Variants in HM13 observed in about 807,000 individuals in gnomAD.
HM13 encodes signal peptide peptidase.
A neutral mutation model predicts 50.0 loss-of-function variants in HM13; 18 were observed. That is an observed-to-expected ratio of 0.36 (90% confidence interval 0.25 to 0.53). The LOEUF (loss-of-function observed/expected upper bound fraction) is 0.53. HM13 is among the 20% of genes least tolerant of loss of function. The pLI is 0.90. For missense variants in HM13, 393 were observed against 552.4 expected (o/e 0.71, Z 2.89); for synonymous variants, 197 against 232.6 (o/e 0.85, Z 1.39).
intron 2 of HM13, chr20:31,527,790 G>A: frequency 1.9e-6 from 1 of 522,506 alleles, no homozygotes; most frequent in Non-Finnish European, 3.4e-6. Context: ...TTTTCTCCAT[G>A]TAGCTTTTTG....
rs765216428 is a variant in HM13 at position 31,561,661 on chromosome 20, C to T, written c.873C>T (p.Phe291=). The change falls in exon 10 of 13, where the codon TTC becomes TTT. Residue 291 remains phenylalanine (F), a synonymous_variant. Transcript: ENST00000398174. The part of the protein sequence containing the change: ...ISLKKNTHTY[F]YTSFAAYIFG... Reference sequence around the variant, plus strand: ...TGAAGAAGAATACCCACACCTACTTCTACACCAGCTTTGCAGCCTACATCT... The same window carrying T: ...TGAAGAAGAATACCCACACCTACTTTTACACCAGCTTTGCAGCCTACATCT... The T allele has an allele frequency of 6.2e-7, 1 of 1,613,684 alleles. No homozygotes were observed. Among genetic ancestry groups the T allele is most frequent in the South Asian group, 1.1e-5 (1 of 91,088 alleles).
At position 31,569,436 on chromosome 20, in the gene HM13, C is replaced by G. The variant is rs1985139311; in HGVS notation, c.*217C>G. 1 of 413,078 alleles carries G rather than the reference C, an allele frequency of 2.4e-6. No homozygotes were observed. Among genetic ancestry groups the G allele is most frequent in the Admixed American group, 4.0e-5 (1 of 25,228 alleles). 25.6% of individuals were successfully genotyped at this position (413,078 alleles called of 1,614,324 possible). ...CCCACACCCTGCAGGCAAAAGAAAC[C>G]CCCAGCTTCCCCCCTCCCCGGGAGC... On this transcript the variant is annotated 3_prime_UTR_variant, in exon 13 of 13. Transcript: ENST00000398174.
chr20:31,540,646 A>G (rs1008068969), intron 3 of HM13: 15 of 152,198 alleles, frequency 9.9e-5, no homozygotes, highest in Non-Finnish European at 1.8e-4. Context: ...TTTTAGAATA[A>G]TAACTAAGGG....
chr20:31,516,407 G>C (rs1981781889), intron 1 of HM13, among the ~76,000 whole-genome samples: 1 of 152,198 alleles, frequency 6.6e-6, no homozygotes, highest in Admixed American at 6.6e-5. Context: ...GAGTAGGTCA[G>C]AGCCCTGTCA....
intron 2 of HM13, among the ~76,000 whole-genome samples, chr20:31,532,254 G>C (rs1050832381): frequency 6.6e-6 from 1 of 152,000 alleles, no homozygotes; most frequent in South Asian, 2.1e-4. Context: ...GTGAAACCCC[G>C]TCTCTACTGA....
rs541450050 is a variant in HM13 at position 31,534,300 on chromosome 20, CAG to C, written c.283-3878_283-3877del. Among the ~76,000 whole-genome samples the C allele has an allele frequency of 1.6e-3, 245 of 152,204 alleles. 2 individuals are homozygous for C. In the South Asian group the frequency reaches 0.018, roughly 11 times the overall value. On this transcript the variant is annotated intron_variant, in intron 2 of 12. Transcript: ENST00000398174. Reference sequence around the variant, plus strand: ...TAGAGAAGGAGGCATGCATGCCACACAGGGGGCCATATGGGAGGAGCTCCAAG... The same window carrying C: ...TAGAGAAGGAGGCATGCATGCCACACGGGGCCATATGGGAGGAGCTCCAAG...
chr20:31,545,345 GCA>G (rs2122610984), intron 4 of HM13, among the ~76,000 whole-genome samples: 1 of 149,052 alleles, frequency 6.7e-6, no homozygotes, highest in East Asian at 1.9e-4. Context: ...AAAGCATTCA[GCA>G]TGGTGCCTGG....
intron 2 of HM13, 46 bp from the exon 3 acceptor site, chr20:31,538,133 C>T (rs933007376): frequency 1.2e-6 from 2 of 1,606,056 alleles, no homozygotes; most frequent in South Asian, 1.1e-5. Context: ...TCCTCACAGC[C>T]ACTGGCAACC....
At chr20:31,566,678 C>A (rs758149399) in intron 11 of HM13, among the ~76,000 whole-genome samples, 3 of 152,104 alleles carry the variant, frequency 2.0e-5, no homozygotes, top group Non-Finnish European at 4.4e-5. Context: ...AGTAATAGAA[C>A]AGGGGGCGTG....
chr20:31,524,179 G>A (rs1301032117), intron 1 of HM13, among the ~76,000 whole-genome samples: 1 of 151,960 alleles, frequency 6.6e-6, no homozygotes, highest in Non-Finnish European at 1.5e-5. Context: ...GTTCAAGGCT[G>A]CAGTGAGCTA....
At chr20:31,538,697 G>C (rs1983262964) in intron 3 of HM13, 1 of 1,038,952 alleles carries the variant, frequency 9.6e-7, no homozygotes, top group South Asian at 4.6e-5. Context: ...TCTGGCATTT[G>C]ACTACCTTAC....
At position 31,556,880 on chromosome 20, in the gene HM13, G is replaced by A. The variant is rs1051708306; in HGVS notation, c.808+2051G>A. On this transcript the variant is annotated intron_variant, in intron 8 of 12. Coordinates refer to ENST00000398174, the MANE Select transcript of HM13 (RefSeq NM_178581.3). ...CTAAAAATACAAAAATTAGCCAGGCGTAGTGGCGGGCGCGTGTAGTCCCAG... is the reference window on the plus strand; with the variant it reads ...CTAAAAATACAAAAATTAGCCAGGCATAGTGGCGGGCGCGTGTAGTCCCAG... Among the ~76,000 whole-genome samples, 15 of 152,050 alleles carry A rather than the reference G, an allele frequency of 9.9e-5. No individual in the cohort carries two copies. In the East Asian group the frequency reaches 1.2e-3, roughly 12 times the overall value.
chr20:31,520,364 T>C (rs1415758168), intron 1 of HM13, among the ~76,000 whole-genome samples: 2 of 152,150 alleles, frequency 1.3e-5, no homozygotes, highest in Non-Finnish European at 2.9e-5. Flanking sequence ...AGTGCAGTGG[T>C]GTGATCTTGG....
intron 7 of HM13, among the ~76,000 whole-genome samples, chr20:31,553,893 A>C (rs763362739): frequency 1.3e-5 from 2 of 152,144 alleles, no homozygotes; most frequent in Non-Finnish European, 2.9e-5. Context: ...TACCCCTGTT[A>C]TAGTGAGATG....
At chr20:31,538,999 G>A in intron 3 of HM13, 1 of 866,030 alleles carries the variant, frequency 1.2e-6, no homozygotes, top group Non-Finnish European at 1.4e-6. Context: ...AAATTTGCTA[G>A]GATCACACCA....
At chr20:31,550,031 TC>T (rs1983947221) in intron 6 of HM13, 32 bp from the exon 7 acceptor site, 3 of 1,554,786 alleles carry the variant, frequency 1.9e-6, no homozygotes, top group Admixed American at 1.7e-5. Context: ...GCCCCTCACT[TC>T]CCTTCATACT....
intron 11 of HM13, 192 bp from the exon 12 acceptor site, chr20:31,567,886 C>T: frequency 5.2e-6 from 3 of 573,638 alleles, no homozygotes; most frequent in Non-Finnish European, 9.1e-6. Context: ...CCTGATGTGC[C>T]TTTGTCTAGG....
chr20:31,568,385 C>T, intron 12 of HM13, 161 bp downstream of exon 12: 1 of 1,080,490 alleles, frequency 9.3e-7, no homozygotes, highest in South Asian at 1.8e-5. Flanking sequence ...TGCACCGAGC[C>T]ATAGGGCTGG....
intron 9 of HM13, 103 bp downstream of exon 9, chr20:31,559,750 C>A: frequency 1.9e-6 from 2 of 1,036,668 alleles, no homozygotes; most frequent in Non-Finnish European, 3.0e-6. Context: ...CCCTCCACCC[C>A]CACAGCAGCC....
Sources: gnomAD v4.1 joint callset for allele counts (sites outside exome capture counted in the v4.1 genomes callset) on GRCh38, gnomAD v4.1.1 for gene constraint, MANE v1.5 for transcripts, NCBI Gene and HGNC (gene_info 2026-07-23, HGNC 2026-07-21) for gene names.